SYTL3: variants seen among roughly 807,000 people sequenced by gnomAD.
SYTL3 encodes the protein synaptotagmin-like protein 3.
In SYTL3, 88 loss-of-function variants were observed where a neutral mutation model predicts 82.1. That is an observed-to-expected ratio of 1.07 (90% CI 0.90 to 1.28). The LOEUF (loss-of-function observed/expected upper bound fraction) is 1.28. Among genes scored for constraint, SYTL3 ranks in the 50% most tolerant of loss-of-function variants. The probability of loss-of-function intolerance (pLI) is 0.00; values close to 1 mark genes in which losing one functional copy is unlikely to be tolerated. For missense variants in SYTL3, 831 were observed against 757.6 expected (o/e 1.10, Z -1.14); for synonymous variants, 311 against 289.4 (o/e 1.07, Z -0.76).
At chr6:158,750,325 C>T (rs141014430) in intron 12 of SYTL3, among the ~76,000 whole-genome samples, 3 of 152,248 alleles carry the variant, frequency 2.0e-5, no homozygotes, top group African/African-American at 7.2e-5. Flanking sequence ...AGGGAAGTCA[C>T]TGGTTATGTT....
chr6:158,760,624 T>C lies in SYTL3; in HGVS notation c.1309-16T>C, dbSNP rs764888579. ...CTTGGGGAATCCTGTCCCTAAGCTC[T>C]GCCTCTTGTCCCCAGGCGGAGAAAT... On this transcript the variant is annotated splice_polypyrimidine_tract_variant and intron_variant, in intron 14 of 17. Coordinates refer to ENST00000611299, the MANE Select transcript of SYTL3 (RefSeq NM_001242394.2). 1 of 1,609,304 alleles carries C rather than the reference T, an allele frequency of 6.2e-7. No homozygotes were observed. Among genetic ancestry groups the C allele is most frequent in the Admixed American group, 1.7e-5 (1 of 60,010 alleles).
intron 6 of SYTL3, among the ~76,000 whole-genome samples, chr6:158,705,350 C>T (rs1187639285): frequency 7.5e-6 from 1 of 132,708 alleles, no homozygotes; most frequent in Admixed American, 7.5e-5. Context: ...GGCTGTAAGG[C>T]CACATAGGGC....
intron 2 of SYTL3, among the ~76,000 whole-genome samples, chr6:158,660,604 A>C (rs969541296): frequency 6.6e-6 from 1 of 152,070 alleles, no homozygotes; most frequent in African/African-American, 2.4e-5. Flanking sequence ...AGATTCCCCC[A>C]CCAGATTCAC....
chr6:158,674,121 TGATG>T (rs1562361252), intron 5 of SYTL3, among the ~76,000 whole-genome samples: 91 of 140,698 alleles, frequency 6.5e-4, no homozygotes, highest in African/African-American at 2.3e-3. Flanking sequence ...ATAATAATAA[TGATG>T]ATGATGATGA....
chr6:158,748,304 C>T (rs1228441866), intron 12 of SYTL3, among the ~76,000 whole-genome samples: 1 of 152,042 alleles, frequency 6.6e-6, no homozygotes, highest in Non-Finnish European at 1.5e-5. Context: ...TCTTTAGTAC[C>T]AGACAAATTA....
intron 17 of SYTL3, among the ~76,000 whole-genome samples, chr6:158,763,790 A>C (rs1418459639): frequency 1.3e-5 from 2 of 152,362 alleles, no homozygotes; most frequent in South Asian, 2.1e-4. Flanking sequence ...TCTGGCGTCA[A>C]TCATAAAAGG....
chr6:158,764,492 C>G lies in SYTL3; in HGVS notation c.1724-3C>G. On this transcript the variant is annotated splice_polypyrimidine_tract_variant and splice_region_variant and intron_variant, in intron 17 of 17. Coordinates refer to ENST00000611299, the MANE Select transcript of SYTL3 (RefSeq NM_001242394.2). ...ATGGCTAAATTGTCTTCCTCTCTTA[C>G]AGAGGGAGACACAGCTGTTGGCGGG... The G allele has an allele frequency of 3.1e-6, 5 of 1,607,930 alleles. No homozygotes were observed. Among genetic ancestry groups the G allele is most frequent in the Non-Finnish European group, 4.3e-6 (5 of 1,174,828 alleles).
chr6:158,707,398 C>T (rs940546279), intron 7 of SYTL3, 117 bp downstream of exon 7: 47 of 546,552 alleles, frequency 8.6e-5, no homozygotes, highest in South Asian at 4.2e-4. Flanking sequence ...GAATGTGACT[C>T]TTTTTTTTTT....
intron 11 of SYTL3, among the ~76,000 whole-genome samples, chr6:158,732,444 C>T (rs1038871800): frequency 9.9e-5 from 15 of 152,248 alleles, no homozygotes; most frequent in African/African-American, 3.6e-4. Flanking sequence ...CGCGTGTGCG[C>T]ACGGTAGGCC....
At chr6:158,649,173 A>G (rs1472679856), upstream of SYTL3, among the ~76,000 whole-genome samples, 1 of 152,252 alleles carries the variant, frequency 6.6e-6, no homozygotes, top group African/African-American at 2.4e-5. Flanking sequence ...TTTGGTGCTC[A>G]GTTCTGTGTT....
chr6:158,762,378 C>T (rs1331735355), intron 16 of SYTL3, among the ~76,000 whole-genome samples, 200 bp downstream of exon 16: 1 of 152,018 alleles, frequency 6.6e-6, no homozygotes, highest in East Asian at 1.9e-4. Context: ...GTACTCGAAA[C>T]CCTAATCTTC....
intron 6 of SYTL3, among the ~76,000 whole-genome samples, chr6:158,695,739 ACTACT>A (rs1463720114): frequency 6.6e-5 from 10 of 152,158 alleles, no homozygotes; most frequent in Admixed American, 2.6e-4. Flanking sequence ...TATGAATTTG[ACTACT>A]CTAGGTACCA....
intron 11 of SYTL3, among the ~76,000 whole-genome samples, chr6:158,741,695 A>C (rs1418516854): frequency 6.6e-6 from 1 of 152,192 alleles, no homozygotes; most frequent in Non-Finnish European, 1.5e-5. Flanking sequence ...GTTGTCACAC[A>C]TCACAATCTG....
intron 7 of SYTL3, among the ~76,000 whole-genome samples, chr6:158,707,927 G>C (rs745636109): frequency 6.6e-6 from 1 of 151,972 alleles, no homozygotes; most frequent in Non-Finnish European, 1.5e-5. Context: ...AGTTTGCTTC[G>C]TGGTTGATTC....
chr6:158,670,928 A>G (rs1179660392), intron 5 of SYTL3, among the ~76,000 whole-genome samples: 2 of 150,998 alleles, frequency 1.3e-5, no homozygotes, highest in Non-Finnish European at 1.5e-5. Context: ...TCAGCCTCCC[A>G]AATAGCTGGG....
At chr6:158,728,548 A>G (rs1785010248) in intron 11 of SYTL3, among the ~76,000 whole-genome samples, 1 of 152,180 alleles carries the variant, frequency 6.6e-6, no homozygotes, top group African/African-American at 2.4e-5. Context: ...AAGTCTTCCA[A>G]TTTGGTTCTT....
intron 12 of SYTL3, among the ~76,000 whole-genome samples, chr6:158,749,408 A>G (rs1445434698): frequency 1.8e-5 from 2 of 108,802 alleles, no homozygotes; most frequent in Non-Finnish European, 4.5e-5. Context: ...AAAAAAAAAA[A>G]AAGAAAGAAA....
intron 9 of SYTL3, among the ~76,000 whole-genome samples, chr6:158,716,690 T>A (rs1783468701): frequency 6.6e-6 from 1 of 152,144 alleles, no homozygotes; most frequent in Non-Finnish European, 1.5e-5. Context: ...TCTTGGGCAG[T>A]GTAGGCAGGA....
chr6:158,721,965 A>T (rs1402070834), intron 10 of SYTL3, among the ~76,000 whole-genome samples: 2 of 152,004 alleles, frequency 1.3e-5, no homozygotes, highest in Non-Finnish European at 2.9e-5. Flanking sequence ...CATTCATCAG[A>T]CTGCAATTAC....
Sources: gnomAD v4.1 joint callset for allele counts (sites outside exome capture counted in the v4.1 genomes callset) on GRCh38, gnomAD v4.1.1 for gene constraint, MANE v1.5 for transcripts, NCBI Gene and HGNC (gene_info 2026-07-23, HGNC 2026-07-21) for gene names.